SLC35F1: variants seen among roughly 807,000 people sequenced by gnomAD.
SLC35F1 encodes the protein solute carrier family 35 member F1, also known as chromosome 6 open reading frame 169.
Under a neutral mutation model 48.7 loss-of-function variants are expected in SLC35F1, and 14 were observed. The observed-to-expected ratio is 0.29, with a 90% CI of 0.19 to 0.45. SLC35F1 has a LOEUF of 0.45. Ranked by LOEUF, SLC35F1 falls within the 20% of genes least tolerant of loss-of-function variation. The pLI, the probability that SLC35F1 is intolerant of heterozygous loss-of-function variation, is 1.00. For synonymous variants in SLC35F1, 190 were observed against 202.2 expected (o/e 0.94, Z 0.51); for missense variants, 404 against 500.0 (o/e 0.81, Z 1.83).
intron 2 of SLC35F1, among the ~76,000 whole-genome samples, chr6:118,235,031 G>A (rs2114582743): frequency 6.6e-6 from 1 of 152,276 alleles, no homozygotes; most frequent in East Asian, 1.9e-4. Context: ...AACATTCAAA[G>A]CTGATCAGGA....
At chr6:118,027,488 G>A (rs1771975823) in intron 1 of SLC35F1, among the ~76,000 whole-genome samples, 1 of 152,008 alleles carries the variant, frequency 6.6e-6, no homozygotes, top group South Asian at 2.1e-4. Flanking sequence ...CCTTCTAATA[G>A]GCTTGTAATG....
intron 1 of SLC35F1, among the ~76,000 whole-genome samples, chr6:118,140,596 A>T (rs55711651): frequency 0.57 from 85,907 of 150,110 alleles, 24,750 homozygotes; most frequent in Middle Eastern, 0.67. Context: ...TGTATTCCTT[A>T]TATTTTTTTT....
chr6:118,197,768 G>A (rs1259143423), intron 2 of SLC35F1, among the ~76,000 whole-genome samples: 1 of 151,950 alleles, frequency 6.6e-6, no homozygotes, highest in Non-Finnish European at 1.5e-5. Flanking sequence ...TGCTTTCAGA[G>A]GGAAGAAAGC....
At chr6:118,203,575 G>A (rs551336576) in intron 2 of SLC35F1, among the ~76,000 whole-genome samples, 1 of 152,298 alleles carries the variant, frequency 6.6e-6, no homozygotes, top group Admixed American at 6.5e-5. Context: ...AGCATCTGAG[G>A]TCATTGGAGT....
intron 1 of SLC35F1, among the ~76,000 whole-genome samples, chr6:117,961,172 A>G (rs781474150): frequency 6.6e-6 from 1 of 152,162 alleles, no homozygotes; most frequent in Non-Finnish European, 1.5e-5. Flanking sequence ...CTCATTTACA[A>G]TGGGAACCTC....
At chr6:118,285,470 C>T (rs1776038293) in intron 7 of SLC35F1, 132 bp downstream of exon 7, 3 of 991,040 alleles carry the variant, frequency 3.0e-6, no homozygotes, top group Non-Finnish European at 4.6e-6. Flanking sequence ...TGCTAACCTC[C>T]ATGATTTAGG....
At chr6:118,249,595 A>G (rs1261153168) in intron 3 of SLC35F1, among the ~76,000 whole-genome samples, 2 of 152,212 alleles carry the variant, frequency 1.3e-5, no homozygotes, top group African/African-American at 4.8e-5. Context: ...GCATTTGAGG[A>G]GATGGGTTTG....
At chr6:118,141,955 A>C (rs1773896983) in intron 1 of SLC35F1, among the ~76,000 whole-genome samples, 1 of 152,222 alleles carries the variant, frequency 6.6e-6, no homozygotes, top group Non-Finnish European at 1.5e-5. Context: ...GTTCTTAAAG[A>C]AAGTGTCAGT....
At chr6:118,090,036 A>G (rs1773050311) in intron 1 of SLC35F1, among the ~76,000 whole-genome samples, 1 of 152,234 alleles carries the variant, frequency 6.6e-6, no homozygotes, top group African/African-American at 2.4e-5. Flanking sequence ...AGCAATATAA[A>G]CTAATTCTGA....
At chr6:117,941,054 G>A (rs564115701) in intron 1 of SLC35F1, among the ~76,000 whole-genome samples, 1 of 152,244 alleles carries the variant, frequency 6.6e-6, no homozygotes, top group South Asian at 2.1e-4. Context: ...GTTACCTGAA[G>A]GCTGCATGTC....
chr6:118,272,854 T>G (rs1216022807), intron 4 of SLC35F1, among the ~76,000 whole-genome samples: 1 of 149,828 alleles, frequency 6.7e-6, no homozygotes, highest in African/African-American at 2.4e-5. Context: ...TGGAAATAAC[T>G]AGATACAAAT....
intron 1 of SLC35F1, among the ~76,000 whole-genome samples, chr6:117,911,288 A>T (rs913362872): frequency 6.6e-5 from 10 of 152,232 alleles, no homozygotes; most frequent in Non-Finnish European, 1.0e-4. Context: ...TAAATGCTGG[A>T]ATAATTACTA....
chr6:118,126,366 C>T (rs1158043830), intron 1 of SLC35F1, among the ~76,000 whole-genome samples: 1 of 152,176 alleles, frequency 6.6e-6, no homozygotes. Context: ...CAGTACCATG[C>T]TGTTTTGCTT....
At chr6:118,260,672 A>G (rs1775701406) in intron 3 of SLC35F1, among the ~76,000 whole-genome samples, 1 of 152,322 alleles carries the variant, frequency 6.6e-6, no homozygotes, top group South Asian at 2.1e-4. Context: ...GTTCATCTAT[A>G]TATGCCTTCA....
chr6:118,134,592 G>A (rs188961053), intron 1 of SLC35F1, among the ~76,000 whole-genome samples: 39 of 152,178 alleles, frequency 2.6e-4, no homozygotes, highest in African/African-American at 8.2e-4. Context: ...TGAACTTGCG[G>A]CAGAGACCTA....
intron 1 of SLC35F1, among the ~76,000 whole-genome samples, chr6:117,924,924 C>T (rs1467660986): frequency 1.3e-5 from 2 of 152,142 alleles, no homozygotes; most frequent in Non-Finnish European, 1.5e-5. Flanking sequence ...ATAAGCATGT[C>T]TGCAGAAGAA....
At chr6:118,135,428 A>T (rs745319961) in intron 1 of SLC35F1, among the ~76,000 whole-genome samples, 15 of 152,230 alleles carry the variant, frequency 9.9e-5, no homozygotes, top group African/African-American at 3.6e-4. Flanking sequence ...TTGTTTAACA[A>T]AAAGATGCAT....
chr6:118,179,341 G>A (rs1362160347), intron 2 of SLC35F1, among the ~76,000 whole-genome samples: 2 of 152,140 alleles, frequency 1.3e-5, no homozygotes, highest in African/African-American at 4.8e-5. Context: ...GTTGGTGTAA[G>A]TCTCTTCATC....
chr6:118,264,139 G>A (rs547272079), intron 3 of SLC35F1, among the ~76,000 whole-genome samples: 29 of 152,330 alleles, frequency 1.9e-4, no homozygotes, highest in Non-Finnish European at 4.0e-4. Flanking sequence ...CTCCAGGGGC[G>A]TTTGCAAATG....
Sources: allele counts gnomAD v4.1 joint callset (sites outside exome capture counted in the v4.1 genomes callset), GRCh38; gene constraint gnomAD v4.1.1; transcripts MANE v1.5; gene names NCBI Gene and HGNC (gene_info 2026-07-23, HGNC 2026-07-21).